Variants in VPS13B observed in about 807,000 individuals in gnomAD.
The protein encoded by VPS13B is vacuolar protein sorting 13 homolog B, also known as intermembrane lipid transfer protein VPS13B.
A neutral mutation model predicts 426.4 loss-of-function variants in VPS13B; 285 were observed. The observed-to-expected ratio is 0.67, with a 90% confidence interval of 0.61 to 0.74. The LOEUF (loss-of-function observed/expected upper bound fraction) is 0.74, where lower values mean the gene tolerates loss of function less well. Among genes scored for constraint, VPS13B ranks in the 30% least tolerant of loss-of-function variants. VPS13B has a pLI of 0.00. For missense variants in VPS13B, 4,537 were observed against 4,782.6 expected, an observed-to-expected ratio of 0.95 and a Z score of 1.51; for synonymous variants, 1,676 against 1,676.4, an observed-to-expected ratio of 1.00 and a Z score of 0.01.
At chr8:99,177,745 A>G (rs1175141072) in intron 16 of VPS13B, among the ~76,000 whole-genome samples, 1 of 152,218 alleles carries the variant, frequency 6.6e-6, no homozygotes, top group Non-Finnish European at 1.5e-5. Flanking sequence ...GTGGTGTCCA[A>G]ATGAGCATTT....
intron 39 of VPS13B, among the ~76,000 whole-genome samples, chr8:99,734,843 A>G (rs1292668879): frequency 1.3e-5 from 2 of 152,178 alleles, no homozygotes; most frequent in Non-Finnish European, 2.9e-5. Flanking sequence ...CAATGCCCGG[A>G]TGTGTATGGT....
At chr8:99,091,590 G>A (rs1430353206) in intron 3 of VPS13B, 1 of 152,126 alleles carries the variant, frequency 6.6e-6, no homozygotes, top group African/African-American at 2.4e-5. Flanking sequence ...TTAAGGTAGA[G>A]TTGAGTCAGA....
chr8:99,767,451 T>G (rs567156644), intron 40 of VPS13B, among the ~76,000 whole-genome samples: 3 of 124,094 alleles, frequency 2.4e-5, no homozygotes, highest in African/African-American at 9.2e-5. Context: ...TTTTAAAACT[T>G]TAAAAGACAA....
intron 55 of VPS13B, among the ~76,000 whole-genome samples, chr8:99,853,014 A>G (rs7831963): frequency 0.23 from 35,573 of 151,986 alleles, 5,165 homozygotes; most frequent in African/African-American, 0.41. Context: ...GAGAAGAGCC[A>G]AGCATGGACT....
At chr8:99,773,887 T>A (rs1026694837) in intron 40 of VPS13B, among the ~76,000 whole-genome samples, 1 of 152,210 alleles carries the variant, frequency 6.6e-6, no homozygotes, top group Non-Finnish European at 1.5e-5. Context: ...CTGCTTATTA[T>A]ACATCTGATG....
At chr8:99,544,230 G>A (rs778028012) in intron 30 of VPS13B, among the ~76,000 whole-genome samples, 13 of 151,966 alleles carry the variant, frequency 8.6e-5, no homozygotes, top group Non-Finnish European at 1.2e-4. Context: ...ACCAAACACC[G>A]CATGTTCTCA....
chr8:99,138,230 G>A (rs371449438), intron 12 of VPS13B, among the ~76,000 whole-genome samples: 1 of 152,150 alleles, frequency 6.6e-6, no homozygotes, highest in African/African-American at 2.4e-5. Context: ...TGGTTCAAGC[G>A]ATTCTCATGC....
intron 19 of VPS13B, among the ~76,000 whole-genome samples, chr8:99,288,516 T>C (rs1389887700): frequency 6.6e-6 from 1 of 152,024 alleles, no homozygotes; most frequent in Admixed American, 6.6e-5. Flanking sequence ...AAAGAATATA[T>C]ATACCCTGAA....
intron 19 of VPS13B, among the ~76,000 whole-genome samples, chr8:99,345,237 C>G (rs1234906554): frequency 6.6e-6 from 1 of 152,006 alleles, no homozygotes; most frequent in Non-Finnish European, 1.5e-5. Flanking sequence ...TTTCTTTTTC[C>G]TTATTTTTAT....
chr8:99,058,048 C>T (rs920697104), intron 3 of VPS13B, among the ~76,000 whole-genome samples: 10 of 152,098 alleles, frequency 6.6e-5, no homozygotes, highest in South Asian at 2.1e-4. Flanking sequence ...TAGTTGTTTT[C>T]GAAGTGTGAT....
chr8:99,507,674 T>G, intron 28 of VPS13B: 1 of 1,568,690 alleles, frequency 6.4e-7, no homozygotes, highest in Non-Finnish European at 8.7e-7. Flanking sequence ...TTATACAAAC[T>G]TGAGGAGAAT....
chr8:99,073,690 T>A (rs1198849965), intron 3 of VPS13B, among the ~76,000 whole-genome samples: 1 of 131,564 alleles, frequency 7.6e-6, no homozygotes, highest in African/African-American at 2.9e-5. Flanking sequence ...TCCATTTGGA[T>A]TTTCTTTCCT....
intron 33 of VPS13B, among the ~76,000 whole-genome samples, chr8:99,637,973 A>G (rs1024174126): frequency 5.9e-5 from 9 of 152,082 alleles, no homozygotes; most frequent in Non-Finnish European, 5.9e-5. Context: ...GCCTCAAAAT[A>G]TGCTTGATTT....
Position 99,875,693 on chromosome 8 carries a change from TTG to T in VPS13B, c.*32_*33del, listed in dbSNP as rs201268463. The T allele has an allele frequency of 9.1e-3, 14,647 of 1,613,006 alleles. 82 individuals are homozygous for T. The highest frequency in any genetic ancestry group is 0.011 in the Middle Eastern group (67 of 6,056). On this transcript the variant is annotated 3_prime_UTR_variant, in exon 62 of 62. Coordinates refer to ENST00000357162, the MANE Select transcript of VPS13B (RefSeq NM_152564.5). ...TCCCCTCTGAGGTGTTTATTCCTGC[TTG>T]TGTGATTTAGTTTTTGGGTTTCTTT...
At position 99,260,394 on chromosome 8, in the gene VPS13B, AG is replaced by A. The variant is rs74728585; in HGVS notation, c.2516-13803del. Among the ~76,000 whole-genome samples the A allele has an allele frequency of 1.2e-3, 179 of 152,198 alleles. 2 individuals carry two copies. In the East Asian group the frequency reaches 0.029, roughly 25 times the overall value. ...GAAAAACAAACCTAAACCTCTAAGT[AG>A]ACACATTGTGGTGAAACTCTGGTGT... On this transcript the variant is annotated intron_variant, in intron 17 of 61. Coordinates refer to ENST00000357162, the MANE Select transcript of VPS13B (RefSeq NM_152564.5).
At chr8:99,615,389 A>G (rs905246059) in intron 33 of VPS13B, among the ~76,000 whole-genome samples, 3 of 152,160 alleles carry the variant, frequency 2.0e-5, no homozygotes, top group Non-Finnish European at 4.4e-5. Flanking sequence ...TTCCCAGTCT[A>G]TAAATTTGGG....
intron 33 of VPS13B, among the ~76,000 whole-genome samples, chr8:99,618,007 G>T (rs1397551394): frequency 6.6e-6 from 1 of 151,710 alleles, no homozygotes; most frequent in Non-Finnish European, 1.5e-5. Context: ...TACCCATCTT[G>T]GTAAGCAGTA....
chr8:99,182,067 C>T (rs35018432), intron 16 of VPS13B, among the ~76,000 whole-genome samples: 26,116 of 152,044 alleles, frequency 0.17, 2,851 homozygotes, highest in East Asian at 0.43. Flanking sequence ...ATTAAAACCA[C>T]GTTGAGAATG....
intron 17 of VPS13B, among the ~76,000 whole-genome samples, chr8:99,245,830 C>T (rs77745880): frequency 0.064 from 9,796 of 152,248 alleles, 418 homozygotes; most frequent in African/African-American, 0.12. Flanking sequence ...AGGTGTGAGC[C>T]GCTGTGCCCA....
Sources: gnomAD v4.1 joint callset for allele counts (sites outside exome capture counted in the v4.1 genomes callset) on GRCh38, gnomAD v4.1.1 for gene constraint, MANE v1.5 for transcripts, NCBI Gene and HGNC (gene_info 2026-07-23, HGNC 2026-07-21) for gene names.